The following UBR2 variants were observed in gnomAD, a reference collection of about 807,000 sequenced individuals.
UBR2 encodes ubiquitin protein ligase E3 component n-recognin 2.
A neutral mutation model predicts 247.9 loss-of-function variants in UBR2; 92 were observed. The observed-to-expected ratio is 0.37, with a 90% CI of 0.31 to 0.44. UBR2 has a LOEUF of 0.44. Among genes scored for constraint, UBR2 ranks in the 20% least tolerant of loss-of-function variants. UBR2 has a pLI of 1.00. For missense variants in UBR2, 1,613 were observed against 2,112.6 expected (o/e 0.76, Z 4.64); for synonymous variants, 672 against 693.5 (o/e 0.97, Z 0.49).
intron 11 of UBR2, among the ~76,000 whole-genome samples, chr6:42,622,905 T>C (rs1038239224): frequency 4.0e-5 from 6 of 150,166 alleles, no homozygotes; most frequent in Non-Finnish European, 7.4e-5. Flanking sequence ...GGGCTCAAGC[T>C]ATCATCCTGC....
Position 42,614,803 on chromosome 6 carries a change from T to G in UBR2, c.986-268T>G, listed in dbSNP as rs10807281. 0.25 allele frequency among the ~76,000 whole-genome samples: 37,478 copies of G among 152,024 alleles called. 5,022 individuals are homozygous for G. Among genetic ancestry groups the G allele is most frequent in the East Asian group, 0.46 (2,356 of 5,156 alleles). On this transcript the variant is annotated intron_variant, in intron 8 of 46. Coordinates refer to ENST00000372901, the MANE Select transcript of UBR2 (RefSeq NM_001363705.2). ...TTTTTTGGATGTTTTTCTCTTTAAT[T>G]AAATTCATTAAAGCACAAGAGGTTA...
In UBR2 at chr6:42,637,058, G is replaced by A; in HGVS notation, c.1722G>A (p.Met574Ile). ...EAYKKCLAVL[M>I]QCHGGYTDGE... Reference sequence around the variant, plus strand: ...ACAAGAAATGTCTCGCTGTACTGATGCAGTGTCATGGTGGTTATACTGATG... The same window carrying A: ...ACAAGAAATGTCTCGCTGTACTGATACAGTGTCATGGTGGTTATACTGATG... The change falls in exon 15 of 47, where the codon ATG becomes ATA. Residue 574 changes from methionine to isoleucine, a missense_variant. Coordinates refer to ENST00000372901, the MANE Select transcript of UBR2 (RefSeq NM_001363705.2). 3.1e-6 allele frequency: 5 copies of A among 1,613,914 alleles called. No homozygotes were observed. Among genetic ancestry groups the A allele is most frequent in the South Asian group, 1.1e-5 (1 of 91,052 alleles).
chr6:42,564,486 C>A, intron 1 of UBR2, 89 bp downstream of exon 1: 1 of 1,441,476 alleles, frequency 6.9e-7, no homozygotes, highest in Non-Finnish European at 9.4e-7. Flanking sequence ...TGGAGCAGCC[C>A]GACCCAGACT....
At chr6:42,654,040 C>G (rs1386987139) in intron 25 of UBR2, among the ~76,000 whole-genome samples, 1 of 152,142 alleles carries the variant, frequency 6.6e-6, no homozygotes, top group East Asian at 1.9e-4. Flanking sequence ...ATATTAATAG[C>G]TTGAAAGCAG....
chr6:42,576,657 G>C (rs1791538345), intron 2 of UBR2, among the ~76,000 whole-genome samples: 1 of 151,282 alleles, frequency 6.6e-6, no homozygotes, highest in East Asian at 1.9e-4. Context: ...TGCCTCCCGA[G>C]TAGATGGGAC....
chr6:42,676,742 A>T, intron 39 of UBR2, 41 bp from the exon 40 acceptor site: 1 of 1,487,684 alleles, frequency 6.7e-7, no homozygotes, highest in South Asian at 1.1e-5. Flanking sequence ...GATAACACTT[A>T]ATTGGAAAAT....
chr6:42,677,326 T>C (rs1405508297), intron 40 of UBR2, among the ~76,000 whole-genome samples: 1 of 152,222 alleles, frequency 6.6e-6, no homozygotes, highest in East Asian at 1.9e-4. Flanking sequence ...TTGCTACAAA[T>C]AGCAATTCAG....
chr6:42,639,403 G>A (rs2151956267), intron 15 of UBR2, among the ~76,000 whole-genome samples: 1 of 152,282 alleles, frequency 6.6e-6, no homozygotes, highest in African/African-American at 2.4e-5. Context: ...GACCAGCCTG[G>A]CCAACATGGC....
intron 1 of UBR2, among the ~76,000 whole-genome samples, chr6:42,573,145 C>T (rs73436648): frequency 0.022 from 3,364 of 151,876 alleles, 117 homozygotes; most frequent in African/African-American, 0.076. Flanking sequence ...GGAGAGCAAA[C>T]GGAAAAGGCC....
rs1016322255 is a variant in UBR2 at position 42,692,078 on chromosome 6, A to T, written c.*905A>T. 7 of 152,056 alleles carry T rather than the reference A, an allele frequency of 4.6e-5. No homozygotes were observed. The highest frequency in any genetic ancestry group is 7.4e-5 in the Non-Finnish European group (5 of 68,016). 9.4% of individuals were successfully genotyped at this position (152,056 alleles called of 1,614,324 possible). ...ATCCAGTTTCTTGAGCTTTTAAGGT[A>T]AGCTTCTTTTGGCTTTTTTTCAGAT... On this transcript the variant is annotated 3_prime_UTR_variant, in exon 47 of 47. Coordinates refer to ENST00000372901, the MANE Select transcript of UBR2 (RefSeq NM_001363705.2).
At chr6:42,676,607 G>A (rs1242376573) in intron 39 of UBR2, among the ~76,000 whole-genome samples, 176 bp from the exon 40 acceptor site, 1 of 152,164 alleles carries the variant, frequency 6.6e-6, no homozygotes, top group Non-Finnish European at 1.5e-5. Context: ...TGGCTGTTTG[G>A]TTTGATTGAG....
At chr6:42,591,776 T>C (rs1043839491) in intron 2 of UBR2, among the ~76,000 whole-genome samples, 1 of 152,228 alleles carries the variant, frequency 6.6e-6, no homozygotes. Context: ...GAAGAAGTTA[T>C]TTGAAATTCC....
chr6:42,686,932 C>T (rs1294475363), intron 44 of UBR2, among the ~76,000 whole-genome samples: 6 of 151,162 alleles, frequency 4.0e-5, no homozygotes, highest in Non-Finnish European at 5.9e-5. Flanking sequence ...GACGGGGCGG[C>T]GGGGCAGAGG....
At chr6:42,638,504 C>CA (rs1796243835) in intron 15 of UBR2, among the ~76,000 whole-genome samples, 1 of 152,096 alleles carries the variant, frequency 6.6e-6, no homozygotes, top group Admixed American at 6.5e-5. Context: ...ATATGAATAT[C>CA]AAATGGTACA....
At chr6:42,626,485 C>T (rs1014494429) in intron 11 of UBR2, among the ~76,000 whole-genome samples, 1 of 152,102 alleles carries the variant, frequency 6.6e-6, no homozygotes, top group Non-Finnish European at 1.5e-5. Context: ...TGTCTGCTGT[C>T]CTCAGTTGCC....
intron 45 of UBR2, among the ~76,000 whole-genome samples, chr6:42,688,877 G>A (rs147257863): frequency 4.6e-5 from 7 of 152,294 alleles, no homozygotes; most frequent in African/African-American, 1.7e-4. Flanking sequence ...GAGAGGACAA[G>A]CAAGACTGAC....
chr6:42,642,620 T>A, intron 18 of UBR2, 139 bp downstream of exon 18: 1 of 656,524 alleles, frequency 1.5e-6, no homozygotes, highest in Non-Finnish European at 2.7e-6. Context: ...CAAACTCATA[T>A]GGCTAACAGC....
At chr6:42,617,556 G>T in intron 11 of UBR2, 49 bp downstream of exon 11, 1 of 1,497,540 alleles carries the variant, frequency 6.7e-7, no homozygotes, top group Non-Finnish European at 9.1e-7. Context: ...ATTAACAGAG[G>T]CCTTAAAATA....
Position 42,661,174 on chromosome 6 carries a change from G to A in UBR2, c.3443-1010G>A, listed in dbSNP as rs1797778724. On this transcript the variant is annotated intron_variant, in intron 30 of 46. Transcript: ENST00000372901. ...TAGCCAGGCGTGGTGGCAGTTACCT[G>A]CTACTCGGGAGGCTGAGGCAGGAGA... Among the ~76,000 whole-genome samples, 2 of 151,888 alleles carry A rather than the reference G, an allele frequency of 1.3e-5. 1 individual carries two copies. Among genetic ancestry groups the A allele is most frequent in the African/African-American group, 4.8e-5 (2 of 41,330 alleles).
Sources: allele counts gnomAD v4.1 joint callset (sites outside exome capture counted in the v4.1 genomes callset), GRCh38; gene constraint gnomAD v4.1.1; transcripts MANE v1.5; gene names NCBI Gene and HGNC (gene_info 2026-07-23, HGNC 2026-07-21).